The following EPM2A variants were observed in gnomAD, a reference collection of about 807,000 sequenced individuals.
EPM2A encodes laforin.
In EPM2A, 21 loss-of-function variants were observed where a neutral mutation model predicts 26.5. The ratio of observed to expected loss-of-function variants is 0.79; its 90% CI spans 0.56 to 1.14. The LOEUF is 1.14. Ranked by LOEUF, EPM2A falls within the 50% of genes most tolerant of loss-of-function variation. The probability of loss-of-function intolerance (pLI) is 0.00; values close to 1 mark genes in which losing one functional copy is unlikely to be tolerated. For synonymous variants in EPM2A, 217 were observed against 177.6 expected (o/e 1.22, Z -1.76); for missense variants, 458 against 440.8 (o/e 1.04, Z -0.35).
chr6:145,525,957 T>A (rs1383256785), intron 2 of EPM2A, among the ~76,000 whole-genome samples: 1 of 151,934 alleles, frequency 6.6e-6, no homozygotes, highest in Non-Finnish European at 1.5e-5. Context: ...TTACTTTGAG[T>A]TATGTTCCTT....
intron 2 of EPM2A, among the ~76,000 whole-genome samples, chr6:145,599,497 A>C (rs1781389028): frequency 6.6e-6 from 1 of 151,796 alleles, no homozygotes. Context: ...TTCATCTGTC[A>C]TATCTTTAAA....
chr6:145,502,051 C>T (rs902571531), intron 3 of EPM2A, among the ~76,000 whole-genome samples: 1 of 152,114 alleles, frequency 6.6e-6, no homozygotes, highest in Non-Finnish European at 1.5e-5. Context: ...TGAAAAGGAG[C>T]TTTTATTATC....
chr6:145,506,462 A>G (rs1202629671), intron 2 of EPM2A, among the ~76,000 whole-genome samples: 4 of 152,090 alleles, frequency 2.6e-5, no homozygotes, highest in African/African-American at 4.8e-5. Context: ...AAAACACCTA[A>G]AAGTCTAAAA....
chr6:145,536,270 TGTTTTTGTTTTG>T (rs1780430026), intron 2 of EPM2A, among the ~76,000 whole-genome samples: 1 of 150,832 alleles, frequency 6.6e-6, no homozygotes, highest in Non-Finnish European at 1.5e-5. Flanking sequence ...TTTTTGTTTT[TGTTTTTGTTTTG>T]GTTTTTGGTT....
At chr6:145,511,429 G>C (rs1780053535) in intron 2 of EPM2A, among the ~76,000 whole-genome samples, 1 of 152,126 alleles carries the variant, frequency 6.6e-6, no homozygotes, top group South Asian at 2.1e-4. Context: ...CTTTATTCCT[G>C]GGGTGCAAGG....
At chr6:145,613,538 A>T (rs1345204711) in intron 2 of EPM2A, among the ~76,000 whole-genome samples, 1 of 152,232 alleles carries the variant, frequency 6.6e-6, no homozygotes, top group Non-Finnish European at 1.5e-5. Context: ...TGGAAGTTAC[A>T]GCTTTTTGAA....
chr6:145,602,099 A>G (rs1465088933), intron 2 of EPM2A, among the ~76,000 whole-genome samples: 3 of 152,070 alleles, frequency 2.0e-5, no homozygotes, highest in Non-Finnish European at 2.9e-5. Flanking sequence ...CTTATTTTCT[A>G]TTTAAAAATT....
intron 2 of EPM2A, among the ~76,000 whole-genome samples, chr6:145,561,240 A>G (rs1780800601): frequency 6.6e-6 from 1 of 151,540 alleles, no homozygotes; most frequent in African/African-American, 2.4e-5. Flanking sequence ...CATGTTGCAC[A>G]GGTTTGTAAC....
At chr6:145,676,576 C>CA (rs933912285) in intron 2 of EPM2A, among the ~76,000 whole-genome samples, 13 of 151,640 alleles carry the variant, frequency 8.6e-5, no homozygotes, top group African/African-American at 3.1e-4. Flanking sequence ...ATAGACACAA[C>CA]AAAAAAATGA....
intron 2 of EPM2A, among the ~76,000 whole-genome samples, chr6:145,669,271 T>G (rs1308482054): frequency 6.6e-6 from 1 of 152,208 alleles, no homozygotes; most frequent in Non-Finnish European, 1.5e-5. Flanking sequence ...AGGGCCTTTA[T>G]GATATAGAAA....
At chr6:145,606,157 A>C (rs1176524054) in intron 2 of EPM2A, among the ~76,000 whole-genome samples, 1 of 152,086 alleles carries the variant, frequency 6.6e-6, no homozygotes, top group Non-Finnish European at 1.5e-5. Context: ...TTTACTCCAC[A>C]TGAAGGAAAA....
At chr6:145,405,021 T>C (rs1453459482) in intron 4 of EPM2A, among the ~76,000 whole-genome samples, 1 of 152,174 alleles carries the variant, frequency 6.6e-6, no homozygotes, top group Non-Finnish European at 1.5e-5. Context: ...TCTTGAACAC[T>C]GTACTTCCAA....
At chr6:145,719,821 A>G (rs981657141) in intron 1 of EPM2A, among the ~76,000 whole-genome samples, 48 of 152,298 alleles carry the variant, frequency 3.2e-4, no homozygotes, top group African/African-American at 1.1e-3. Context: ...CATGAGTTGA[A>G]TAAGTGAATC....
At chr6:145,719,787 T>C (rs1775854558) in intron 1 of EPM2A, among the ~76,000 whole-genome samples, 1 of 152,152 alleles carries the variant, frequency 6.6e-6, no homozygotes, top group South Asian at 2.1e-4. Context: ...ATTCCAGGTG[T>C]ATAACTGAGC....
chr6:145,402,651 T>C lies in EPM2A; in HGVS notation c.556-18554A>G, dbSNP rs1425411202. Reference sequence around the variant, plus strand: ...GAAGGAAAATCATGTTTTCAGTTTATTTTTAATTGGTTCAGAAAAATAATT... The same window carrying C: ...GAAGGAAAATCATGTTTTCAGTTTACTTTTAATTGGTTCAGAAAAATAATT... On this transcript the variant is annotated intron_variant, in intron 4 of 4. Coordinates refer to the EPM2A transcript ENST00000638717. Among the ~76,000 whole-genome samples the C allele has an allele frequency of 3.9e-5, 6 of 152,162 alleles. No homozygotes were observed. In the East Asian group the frequency reaches 7.7e-4, roughly 20 times the overall value.
intron 4 of EPM2A, among the ~76,000 whole-genome samples, chr6:145,464,502 G>GA (rs985043837): frequency 6.6e-6 from 1 of 151,878 alleles, no homozygotes. Context: ...ACCATGATGG[G>GA]AAAAAAATGT....
At chr6:145,726,624 A>G (rs1776220299) in intron 1 of EPM2A, among the ~76,000 whole-genome samples, 1 of 152,158 alleles carries the variant, frequency 6.6e-6, no homozygotes, top group African/African-American at 2.4e-5. Flanking sequence ...AAGGCACTTT[A>G]CTTTGATGGT....
intron 2 of EPM2A, among the ~76,000 whole-genome samples, chr6:145,605,902 C>A (rs1209689911): frequency 3.3e-5 from 5 of 151,892 alleles, no homozygotes; most frequent in Non-Finnish European, 7.4e-5. Flanking sequence ...TGTAGGGGAA[C>A]AAAAAACTAC....
At chr6:145,534,439 A>C (rs1324919485) in intron 2 of EPM2A, among the ~76,000 whole-genome samples, 1 of 152,262 alleles carries the variant, frequency 6.6e-6, no homozygotes, top group Non-Finnish European at 1.5e-5. Flanking sequence ...TAGCCTAGCA[A>C]CTTAAAGGAG....
Sources: gnomAD v4.1 joint callset for allele counts (sites outside exome capture counted in the v4.1 genomes callset) on GRCh38, gnomAD v4.1.1 for gene constraint, MANE v1.5 for transcripts, NCBI Gene and HGNC (gene_info 2026-07-23, HGNC 2026-07-21) for gene names.